The following EPB41L3 variants were observed in gnomAD, a reference collection of about 807,000 sequenced individuals.
The protein encoded by EPB41L3 is erythrocyte membrane protein band 4.1 like 3, also known as band 4.1-like protein 3.
Under a neutral mutation model 127.1 loss-of-function variants are expected in EPB41L3, and 57 were observed. That is an observed-to-expected ratio of 0.45 (90% confidence interval 0.36 to 0.56). The LOEUF is 0.56. Among genes scored for constraint, EPB41L3 ranks in the 20% least tolerant of loss-of-function variants. The pLI is 0.00. For synonymous variants in EPB41L3, 572 were observed against 549.5 expected, an observed-to-expected ratio of 1.04 and a Z score of -0.57; for missense variants, 1,273 against 1,372.2, an observed-to-expected ratio of 0.93 and a Z score of 1.14.
intron 3 of EPB41L3, among the ~76,000 whole-genome samples, chr18:5,588,670 T>G (rs994751864): frequency 2.0e-5 from 3 of 152,022 alleles, no homozygotes; most frequent in Non-Finnish European, 4.4e-5. Context: ...GTGAAGTATA[T>G]TGCCCAAGGT....
Position 5,536,649 on chromosome 18 carries a change from CAA to C in EPB41L3, c.-12+7262_-12+7263del, listed in dbSNP as rs34476027. On this transcript the variant is annotated intron_variant, in intron 1 of 22. Transcript: ENST00000341928. ...TAAAACCCCATGTCTACTAAAAATTCAAAAAAAAAAAAAATAGCTGGGCAGGG... is the reference window on the plus strand; with the variant it reads ...TAAAACCCCATGTCTACTAAAAATTCAAAAAAAAAAAATAGCTGGGCAGGG... Among the ~76,000 whole-genome samples the C allele has an allele frequency of 6.8e-3, 910 of 132,886 alleles. 14 individuals are homozygous for C. Among genetic ancestry groups the C allele is most frequent in the African/African-American group, 0.023 (877 of 37,458 alleles). The allele number at this position is 132,886 out of a possible 152,430, so 87.2% of individuals were successfully genotyped here. A position where few individuals can be genotyped will look rare whatever the true frequency, so the allele number is the denominator to read the frequency against.
intron 1 of EPB41L3, among the ~76,000 whole-genome samples, chr18:5,622,050 C>T (rs115843058): frequency 2.0e-3 from 310 of 151,600 alleles, no homozygotes; most frequent in African/African-American, 7.1e-3. Context: ...CTGCATTTTG[C>T]TTTGGTTACT....
intron 3 of EPB41L3, among the ~76,000 whole-genome samples, chr18:5,456,393 A>C (rs2146874365): frequency 6.6e-6 from 1 of 152,330 alleles, no homozygotes; most frequent in East Asian, 1.9e-4. Context: ...ATGTAATGAT[A>C]TATCATTTCA....
At chr18:5,590,614 TAGC>T (rs2094477077) in intron 3 of EPB41L3, among the ~76,000 whole-genome samples, 1 of 152,144 alleles carries the variant, frequency 6.6e-6, no homozygotes, top group South Asian at 2.1e-4. Flanking sequence ...TGAACATTTA[TAGC>T]AGGTCTATTA....
At chr18:5,484,227 A>G (rs766246305) in intron 2 of EPB41L3, among the ~76,000 whole-genome samples, 23 of 151,536 alleles carry the variant, frequency 1.5e-4, no homozygotes, top group Non-Finnish European at 3.2e-4. Flanking sequence ...GAAATTAAAC[A>G]ACATGCCCTG....
intron 1 of EPB41L3, among the ~76,000 whole-genome samples, chr18:5,505,805 C>A (rs1252269286): frequency 7.8e-6 from 1 of 128,176 alleles, no homozygotes; most frequent in East Asian, 2.5e-4. Context: ...TTCACCTCCA[C>A]CCCTTCCCTC....
intron 3 of EPB41L3, among the ~76,000 whole-genome samples, chr18:5,608,452 A>G (rs777578198): frequency 8.5e-5 from 13 of 152,194 alleles, no homozygotes; most frequent in Non-Finnish European, 1.8e-4. Flanking sequence ...CACATCATAC[A>G]CTGCAACAGA....
chr18:5,474,368 A>G (rs1234802052), intron 3 of EPB41L3, among the ~76,000 whole-genome samples: 1 of 152,182 alleles, frequency 6.6e-6, no homozygotes. Flanking sequence ...TGGGGATCAA[A>G]CAGGCAGTAA....
At chr18:5,511,391 G>GTTTTTTTTTTTTTTTTTTTTTTTTTGT (rs2092506630) in intron 1 of EPB41L3, among the ~76,000 whole-genome samples, 1 of 59,796 alleles carries the variant, frequency 1.7e-5, no homozygotes, top group Non-Finnish European at 2.9e-5. Flanking sequence ...AGGTATTTTG[G>GTTTTTTTTTTTTTTTTTTTTTTTTTGT]TTTTTTTTTT....
At chr18:5,458,433 A>T (rs2083445001) in intron 3 of EPB41L3, among the ~76,000 whole-genome samples, 1 of 152,196 alleles carries the variant, frequency 6.6e-6, no homozygotes, top group Non-Finnish European at 1.5e-5. Context: ...ATGGTTTCTA[A>T]GGAGAGGTCT....
rs114616253 is a variant in EPB41L3 at position 5,582,330 on chromosome 18, A to C, written c.-306+30010T>G. On this transcript the variant is annotated intron_variant, in intron 3 of 21. Coordinates refer to the EPB41L3 transcript ENST00000545076. ...CGGAGCAGCTGGGCCTGCTTCACAC[A>C]ATCCTCATCTTAGAAGAAAACAGGT... is the stretch of plus-strand genomic sequence containing the variant. 2.5e-3 allele frequency among the ~76,000 whole-genome samples: 381 copies of C among 152,252 alleles called. 1 individual carries two copies. Among genetic ancestry groups the C allele is most frequent in the African/African-American group, 8.6e-3 (358 of 41,554 alleles).
At chr18:5,568,649 C>T (rs568854349) in intron 3 of EPB41L3, among the ~76,000 whole-genome samples, 1 of 152,258 alleles carries the variant, frequency 6.6e-6, no homozygotes, top group South Asian at 2.1e-4. Flanking sequence ...AAGGAAGTTC[C>T]AGTAACTTTC....
At chr18:5,557,268 A>C (rs1254089113) in intron 3 of EPB41L3, among the ~76,000 whole-genome samples, 2 of 152,236 alleles carry the variant, frequency 1.3e-5, no homozygotes, top group African/African-American at 4.8e-5. Context: ...AGATATTTAA[A>C]AAAGCATATA....
chr18:5,536,610 C>T (rs1039032784), intron 1 of EPB41L3, among the ~76,000 whole-genome samples: 1 of 151,486 alleles, frequency 6.6e-6, no homozygotes, highest in Non-Finnish European at 1.5e-5. Flanking sequence ...TCGAGACCAG[C>T]CTTGCCAACG....
Position 5,543,854 on chromosome 18 carries a change from G to A in EPB41L3, c.-12+59C>T. ...GCCCCAGGCCTCGGGCTCTTCCTCCGCACCTCGTAAAGCCGAGACCCCCTC... is the reference window on the plus strand; with the variant it reads ...GCCCCAGGCCTCGGGCTCTTCCTCCACACCTCGTAAAGCCGAGACCCCCTC... On this transcript the variant is annotated intron_variant, in intron 1 of 22. Coordinates refer to ENST00000341928, the MANE Select transcript of EPB41L3 (RefSeq NM_012307.5). This position sits in a 1 kb window ranked among gnomAD's most constrained non-coding sequence, Gnocchi z 5.2. The A allele has an allele frequency of 2.0e-6, 2 of 983,048 alleles. No individual in the cohort carries two copies. Among genetic ancestry groups the A allele is most frequent in the African/African-American group, 3.5e-5 (2 of 57,174 alleles). 60.9% of individuals were successfully genotyped at this position (983,048 alleles called of 1,614,324 possible).
At chr18:5,416,849 AT>A (rs1162553643) in intron 12 of EPB41L3, among the ~76,000 whole-genome samples, 3 of 151,966 alleles carry the variant, frequency 2.0e-5, no homozygotes, top group Non-Finnish European at 4.4e-5. Context: ...CCAGATTTTG[AT>A]TAAAAAAAAA....
Position 5,566,793 on chromosome 18 carries a change from C to CTATTCTATTCTATTCT in EPB41L3, c.-306+45546_-306+45547insAGAATAGAATAGAATA, listed in dbSNP as rs747649790. On this transcript the variant is annotated intron_variant, in intron 3 of 21. Coordinates refer to the EPB41L3 transcript ENST00000545076. The stretch of plus-strand genomic sequence containing the variant: ...TATTCTATTCTATTCTATTCTATTC[C>CTATTCTATTCTATTCT]ATTCCATTCCATTCTAATTTTATTT... Among the ~76,000 whole-genome samples, 55 of 88,356 alleles carry CTATTCTATTCTATTCT rather than the reference C, an allele frequency of 6.2e-4. 2 individuals are homozygous for CTATTCTATTCTATTCT. The highest frequency in any genetic ancestry group is 8.1e-4 in the Non-Finnish European group (36 of 44,388). The allele number at this position is 88,356 out of a possible 152,430, so 58.0% of individuals were successfully genotyped here.
intron 1 of EPB41L3, among the ~76,000 whole-genome samples, chr18:5,623,841 G>C (rs2094892535): frequency 6.6e-6 from 1 of 151,812 alleles, no homozygotes; most frequent in Non-Finnish European, 1.5e-5. Context: ...TAGAGTCGGG[G>C]AGTCAGGGTT....
At chr18:5,467,820 A>C (rs1383726456) in intron 3 of EPB41L3, among the ~76,000 whole-genome samples, 1 of 152,172 alleles carries the variant, frequency 6.6e-6, no homozygotes, top group African/African-American at 2.4e-5. Context: ...CGCTGCCATG[A>C]CACCAGCTGT....
Sources: gnomAD v4.1 joint callset for allele counts (sites outside exome capture counted in the v4.1 genomes callset) on GRCh38, gnomAD v4.1.1 for gene constraint, Gnocchi (gnomAD v3.1) non-coding constraint, MANE v1.5 for transcripts, NCBI Gene and HGNC (gene_info 2026-07-23, HGNC 2026-07-21) for gene names.